Variants in ERC2 observed in about 807,000 individuals in gnomAD.
ERC2 encodes ELKS/RAB6-interacting/CAST family member 2, also known as ERC protein 2.
Under a neutral mutation model 114.8 loss-of-function variants are expected in ERC2, and 42 were observed. The ratio of observed to expected loss-of-function variants is 0.37; its 90% CI spans 0.29 to 0.47. ERC2 has a LOEUF of 0.47. ERC2 is among the 20% of genes least tolerant of loss of function. The pLI is 0.99. For synonymous variants in ERC2, 454 were observed against 425.5 expected (o/e 1.07, Z -0.82); for missense variants, 939 against 1,150.7 (o/e 0.82, Z 2.66).
chr3:56,135,362 T>C (rs531299209), intron 6 of ERC2, among the ~76,000 whole-genome samples: 1 of 152,262 alleles, frequency 6.6e-6, no homozygotes, highest in East Asian at 1.9e-4. Flanking sequence ...AATTGAAGTA[T>C]AGAAGTCCGA....
chr3:56,010,373 T>C (rs2072823212), intron 9 of ERC2, 76 bp downstream of exon 9: 1 of 1,518,800 alleles, frequency 6.6e-7, no homozygotes, highest in African/African-American at 1.4e-5. Flanking sequence ...CTACTAAGTC[T>C]CTAGTCTCTT....
At chr3:55,533,500 G>C (rs917670680) in intron 17 of ERC2, among the ~76,000 whole-genome samples, 3 of 152,206 alleles carry the variant, frequency 2.0e-5, no homozygotes, top group African/African-American at 7.2e-5. Flanking sequence ...CCTGTAAGGG[G>C]AGTGATCATA....
At chr3:56,306,342 T>C (rs73086451) in intron 2 of ERC2, among the ~76,000 whole-genome samples, 14,365 of 152,112 alleles carry the variant, frequency 0.094, 938 homozygotes, top group African/African-American at 0.18. Flanking sequence ...CTATTCCTAA[T>C]AGCAAAAACT....
intron 1 of ERC2, among the ~76,000 whole-genome samples, chr3:56,466,775 A>C (rs2063562085): frequency 6.6e-6 from 1 of 152,168 alleles, no homozygotes; most frequent in South Asian, 2.1e-4. Flanking sequence ...CCAAGCCCCA[A>C]GTACTGTATA....
At chr3:55,932,777 A>T (rs1360395285) in intron 13 of ERC2, among the ~76,000 whole-genome samples, 1 of 152,156 alleles carries the variant, frequency 6.6e-6, no homozygotes, top group Non-Finnish European at 1.5e-5. Flanking sequence ...CATCCTGGAA[A>T]TTTTTTTCAG....
At position 55,819,715 on chromosome 3, in the gene ERC2, G is replaced by A. The variant is rs544881500; in HGVS notation, c.2564+68674C>T. On this transcript the variant is annotated intron_variant, in intron 14 of 17. Transcript: ENST00000288221. ...CATCTATTAGACAATGATGATATTA[G>A]GACGGCAGAGACAAGTGCCGCTTTG... Among the ~76,000 whole-genome samples the A allele has an allele frequency of 6.6e-5, 10 of 152,304 alleles. No homozygotes were observed. The South Asian group carries it at 1.5e-3, about 22-fold the overall frequency.
chr3:55,925,939 T>A (rs2065722613), intron 13 of ERC2, among the ~76,000 whole-genome samples: 1 of 152,212 alleles, frequency 6.6e-6, no homozygotes, highest in African/African-American at 2.4e-5. Flanking sequence ...ATGCCTTAGA[T>A]GAACACCTTC....
At chr3:56,116,008 T>C (rs1233694492) in intron 6 of ERC2, among the ~76,000 whole-genome samples, 2 of 152,180 alleles carry the variant, frequency 1.3e-5, no homozygotes, top group African/African-American at 4.8e-5. Context: ...CCCCATCTCT[T>C]CTTTCCCTGG....
chr3:55,512,540 TA>T lies in ERC2; in HGVS notation c.*40-1265del, dbSNP rs576489288. ...CCTTTTAAAGGGCTGACCAATATAT[TA>T]AAAGGCCACATGATTAAAAGGTAAA... On this transcript the variant is annotated intron_variant, in intron 17 of 17. Coordinates refer to ENST00000288221, the MANE Select transcript of ERC2 (RefSeq NM_015576.3). 2.0e-5 allele frequency among the ~76,000 whole-genome samples: 3 copies of T among 152,334 alleles called. No homozygotes were observed. In the South Asian group the frequency reaches 6.2e-4, roughly 32 times the overall value.
chr3:56,235,215 C>T (rs1456458214), intron 3 of ERC2, among the ~76,000 whole-genome samples: 1 of 152,112 alleles, frequency 6.6e-6, no homozygotes, highest in Non-Finnish European at 1.5e-5. Context: ...TCACTGAATA[C>T]CTACTCAATT....
At chr3:55,834,084 A>G (rs2060755650) in intron 14 of ERC2, among the ~76,000 whole-genome samples, 1 of 151,938 alleles carries the variant, frequency 6.6e-6, no homozygotes, top group East Asian at 1.9e-4. Context: ...TATGCACCCA[A>G]TACAGGAGCA....
intron 13 of ERC2, among the ~76,000 whole-genome samples, chr3:55,914,945 A>C (rs1050435243): frequency 6.6e-6 from 1 of 152,188 alleles, no homozygotes; most frequent in African/African-American, 2.4e-5. Flanking sequence ...GCAAACAATT[A>C]AGATAGAACC....
At chr3:55,853,447 C>T (rs1036596689) in intron 14 of ERC2, among the ~76,000 whole-genome samples, 1 of 151,930 alleles carries the variant, frequency 6.6e-6, no homozygotes, top group Admixed American at 6.6e-5. Flanking sequence ...ATGACTTGAG[C>T]CCAGGAGGTT....
chr3:56,331,702 T>C (rs1576463708), intron 2 of ERC2, among the ~76,000 whole-genome samples: 1 of 152,240 alleles, frequency 6.6e-6, no homozygotes, highest in Non-Finnish European at 1.5e-5. Context: ...ATGGGAAATA[T>C]AACTGGTGGG....
intron 17 of ERC2, among the ~76,000 whole-genome samples, chr3:55,648,206 C>A (rs2060473907): frequency 6.6e-6 from 1 of 152,150 alleles, no homozygotes; most frequent in Non-Finnish European, 1.5e-5. Context: ...TACTTTCCCC[C>A]AAATTATTCA....
intron 6 of ERC2, among the ~76,000 whole-genome samples, chr3:56,095,485 T>A (rs947519587): frequency 2.6e-5 from 4 of 152,222 alleles, no homozygotes; most frequent in African/African-American, 9.6e-5. Context: ...ATGTCTAACA[T>A]GTTTCCAATT....
chr3:55,966,381 C>A (rs1190859852), intron 12 of ERC2, among the ~76,000 whole-genome samples: 3 of 152,072 alleles, frequency 2.0e-5, no homozygotes, highest in Non-Finnish European at 2.9e-5. Context: ...GGCAGGGTGG[C>A]CAAACATTTA....
Position 56,332,574 on chromosome 3 carries a change from T to C in ERC2, c.658-36139A>G, listed in dbSNP as rs183310689. 1.8e-4 allele frequency among the ~76,000 whole-genome samples: 27 copies of C among 152,340 alleles called. No individual in the cohort carries two copies. In the East Asian group the frequency reaches 4.6e-3, roughly 26 times the overall value. ...ATCCCTGATTTCACATCAGGAATTG[T>C]TTCCATCAAATATGGGAGTGGGACA... On this transcript the variant is annotated intron_variant, in intron 2 of 17. Transcript: ENST00000288221.
At chr3:55,937,138 T>G (rs969261695) in intron 13 of ERC2, among the ~76,000 whole-genome samples, 3 of 152,154 alleles carry the variant, frequency 2.0e-5, no homozygotes, top group African/African-American at 7.2e-5. Flanking sequence ...ATCAGGAGTT[T>G]GAGACCAGCC....
Sources: gnomAD v4.1 joint callset for allele counts (sites outside exome capture counted in the v4.1 genomes callset) on GRCh38, gnomAD v4.1.1 for gene constraint, MANE v1.5 for transcripts, NCBI Gene and HGNC (gene_info 2026-07-23, HGNC 2026-07-21) for gene names.